Variants in TMEM117 observed in about 807,000 individuals in gnomAD.
TMEM117 encodes the protein transmembrane protein 117.
A neutral mutation model predicts 52.4 loss-of-function variants in TMEM117; 27 were observed. The ratio of observed to expected loss-of-function variants is 0.51; its 90% CI spans 0.38 to 0.71. TMEM117 has a LOEUF of 0.71. Among genes scored for constraint, TMEM117 ranks in the 30% least tolerant of loss-of-function variants. The probability of loss-of-function intolerance (pLI) is 0.00; values close to 1 mark genes in which losing one functional copy is unlikely to be tolerated. For synonymous variants in TMEM117, 215 were observed against 206.3 expected, an observed-to-expected ratio of 1.04 and a Z score of -0.36; for missense variants, 556 against 630.5, an observed-to-expected ratio of 0.88 and a Z score of 1.26.
chr12:44,043,706 G>A (rs1189339312), intron 3 of TMEM117, among the ~76,000 whole-genome samples: 1 of 152,128 alleles, frequency 6.6e-6, no homozygotes, highest in Non-Finnish European at 1.5e-5. Context: ...CTAGACTAAA[G>A]TCCCAGTGGG....
chr12:44,289,791 G>A (rs773293229), intron 5 of TMEM117, among the ~76,000 whole-genome samples: 4 of 151,744 alleles, frequency 2.6e-5, no homozygotes, highest in South Asian at 2.1e-4. Context: ...TTCCTGATCC[G>A]CCCGCCTCAG....
chr12:44,291,384 T>G (rs1294463078), intron 5 of TMEM117, among the ~76,000 whole-genome samples: 3 of 149,558 alleles, frequency 2.0e-5, no homozygotes, highest in Admixed American at 1.3e-4. Context: ...GTTTTTTTTT[T>G]TTTTTTTTTT....
chr12:44,329,129 A>G lies in TMEM117; in HGVS notation c.768+29390A>G, dbSNP rs576151005. 5.9e-5 allele frequency among the ~76,000 whole-genome samples: 9 copies of G among 152,172 alleles called. No individual in the cohort carries two copies. The South Asian group carries it at 1.9e-3, about 32-fold the overall frequency. ...GGGTTTCACTGTGTAAAATATTTTG[A>G]CTGCTACAGCTCTATAACAGTGGCC... On this transcript the variant is annotated intron_variant, in intron 6 of 7. Transcript: ENST00000266534.
At chr12:44,298,948 C>T (rs78343912) in intron 5 of TMEM117, among the ~76,000 whole-genome samples, 4,406 of 150,622 alleles carry the variant, frequency 0.029, 296 homozygotes, top group African/African-American at 0.061. Flanking sequence ...TCTTACATTG[C>T]ATGTCCACTA....
chr12:44,323,538 T>A (rs1951159917), intron 6 of TMEM117, among the ~76,000 whole-genome samples: 1 of 152,154 alleles, frequency 6.6e-6, no homozygotes, highest in Admixed American at 6.5e-5. Context: ...GTTTTAGGGT[T>A]TTTTCTTACC....
chr12:44,284,680 T>C lies in TMEM117; in HGVS notation c.609-14900T>C, dbSNP rs562312120. Among the ~76,000 whole-genome samples the C allele has an allele frequency of 4.7e-4, 71 of 152,318 alleles. 1 individual carries two copies. The South Asian group carries it at 0.015, about 32-fold the overall frequency. On this transcript the variant is annotated intron_variant, in intron 5 of 7. Coordinates refer to ENST00000266534, the MANE Select transcript of TMEM117 (RefSeq NM_032256.3). ...TTGGTGGATGATAAAGGATGAACATTTTCCACCTCAGGTCAAATAGATGAA... is the reference window on the plus strand; with the variant it reads ...TTGGTGGATGATAAAGGATGAACATCTTCCACCTCAGGTCAAATAGATGAA...
At chr12:43,937,996 C>T (rs532590909) in intron 2 of TMEM117, among the ~76,000 whole-genome samples, 15 of 152,082 alleles carry the variant, frequency 9.9e-5, no homozygotes, top group African/African-American at 3.6e-4. Flanking sequence ...TATTTTGCGG[C>T]TTGTGCTCAA....
rs1555183812 is a variant in TMEM117 at position 43,912,507 on chromosome 12, T to TTATACA, written c.278-31699_278-31698insCATATA. ...AAACTTAAAGTATAATAATAATAAT[T>TTATACA]TATATATATATATATATATATATAT... is the stretch of plus-strand genomic sequence containing the variant. On this transcript the variant is annotated intron_variant, in intron 2 of 7. Transcript: ENST00000266534. Among the ~76,000 whole-genome samples the TTATACA allele has an allele frequency of 5.0e-4, 66 of 132,100 alleles. 1 individual carries two copies. The highest frequency in any genetic ancestry group is 2.6e-3 in the African/African-American group (64 of 25,024). 86.7% of individuals were successfully genotyped at this position (132,100 alleles called of 152,430 possible).
At chr12:44,089,526 A>G (rs1385163164) in intron 3 of TMEM117, among the ~76,000 whole-genome samples, 2 of 152,030 alleles carry the variant, frequency 1.3e-5, no homozygotes, top group Non-Finnish European at 2.9e-5. Context: ...AATGGCCCCT[A>G]CCACCTTAAG....
At chr12:43,845,001 A>G (rs182987774) in intron 2 of TMEM117, 73 bp downstream of exon 2, 165 of 1,522,508 alleles carry the variant, frequency 1.1e-4, no homozygotes, top group Admixed American at 6.4e-4. Context: ...CAACTTTGCT[A>G]TTTCTAAGTG....
At chr12:44,024,662 G>A (rs116963141) in intron 3 of TMEM117, among the ~76,000 whole-genome samples, 1,854 of 151,886 alleles carry the variant, frequency 0.012, 17 homozygotes, top group Middle Eastern at 0.02. Flanking sequence ...TAGGAAAACA[G>A]CAAATGGAAA....
chr12:44,134,526 C>T (rs989474344), intron 3 of TMEM117, among the ~76,000 whole-genome samples: 9 of 152,104 alleles, frequency 5.9e-5, no homozygotes, highest in African/African-American at 1.4e-4. Context: ...AATTTATATG[C>T]GGAAACAGTA....
intron 6 of TMEM117, among the ~76,000 whole-genome samples, chr12:44,322,240 C>T (rs1325328133): frequency 2.6e-5 from 4 of 152,114 alleles, no homozygotes; most frequent in African/African-American, 9.7e-5. Context: ...TCTGCATCTG[C>T]GTGGTGAGTA....
At chr12:44,300,213 G>A (rs1316811169) in intron 6 of TMEM117, among the ~76,000 whole-genome samples, 4 of 152,182 alleles carry the variant, frequency 2.6e-5, no homozygotes, top group Non-Finnish European at 5.9e-5. Context: ...CTTTCTTTCA[G>A]TATTCACCAG....
chr12:43,991,125 C>T (rs1167335940), intron 3 of TMEM117, among the ~76,000 whole-genome samples: 1 of 152,156 alleles, frequency 6.6e-6, no homozygotes, highest in Non-Finnish European at 1.5e-5. Context: ...ATGGTGACTG[C>T]AAGTGTGGGT....
chr12:43,980,648 A>G (rs1471248327), intron 3 of TMEM117, among the ~76,000 whole-genome samples: 1 of 152,110 alleles, frequency 6.6e-6, no homozygotes, highest in Non-Finnish European at 1.5e-5. Context: ...CTTCCATTTT[A>G]GAGGGTTCCA....
At chr12:43,899,823 C>T (rs1306715433) in intron 2 of TMEM117, among the ~76,000 whole-genome samples, 1 of 151,918 alleles carries the variant, frequency 6.6e-6, no homozygotes, top group Non-Finnish European at 1.5e-5. Flanking sequence ...AGAAGATGAG[C>T]TTTGGAAGCA....
At chr12:44,042,326 T>C (rs996771406) in intron 3 of TMEM117, among the ~76,000 whole-genome samples, 1 of 151,178 alleles carries the variant, frequency 6.6e-6, no homozygotes, top group African/African-American at 2.5e-5. Context: ...GATTTACTTA[T>C]TTATTTAAAA....
At chr12:44,025,915 T>G (rs564884705) in intron 3 of TMEM117, among the ~76,000 whole-genome samples, 4 of 151,862 alleles carry the variant, frequency 2.6e-5, no homozygotes, top group Admixed American at 6.6e-5. Flanking sequence ...CCCCCACCCA[T>G]AGAGGTATGT....
Sources: allele counts gnomAD v4.1 joint callset (sites outside exome capture counted in the v4.1 genomes callset), GRCh38; gene constraint gnomAD v4.1.1; transcripts MANE v1.5; gene names NCBI Gene and HGNC (gene_info 2026-07-23, HGNC 2026-07-21).